The following TMEM50A variants were observed in gnomAD, a reference collection of about 807,000 sequenced individuals.
TMEM50A encodes the protein cervical cancer oncogene 9.
Under a neutral mutation model 23.9 loss-of-function variants are expected in TMEM50A, and 8 were observed. The observed-to-expected ratio is 0.33, with a 90% CI of 0.20 to 0.60. The LOEUF is 0.60. TMEM50A is among the 20% of genes least tolerant of loss of function. The pLI, the probability that TMEM50A is intolerant of heterozygous loss-of-function variation, is 0.81. For missense variants in TMEM50A, 178 were observed against 192.7 expected, an observed-to-expected ratio of 0.92 and a Z score of 0.45; for synonymous variants, 55 against 60.4, an observed-to-expected ratio of 0.91 and a Z score of 0.41.
intron 2 of TMEM50A, among the ~76,000 whole-genome samples, chr1:25,341,871 TTTTTTTTGTTTG>T (rs1429636087): frequency 8.5e-6 from 1 of 117,014 alleles, no homozygotes; most frequent in Non-Finnish European, 2.1e-5. Context: ...ATTTTTGTTT[TTTTTTTTGTTTG>T]TTTTTTTTGT....
intron 4 of TMEM50A, 134 bp from the exon 5 acceptor site, chr1:25,352,748 C>G (rs1171551031): frequency 2.8e-6 from 2 of 707,206 alleles, no homozygotes; most frequent in Non-Finnish European, 4.6e-6. Flanking sequence ...TTTAACACAT[C>G]CTTTACTGTT....
At chr1:25,351,815 A>T (rs573250515) in intron 4 of TMEM50A, 122 bp downstream of exon 4, 2 of 817,794 alleles carry the variant, frequency 2.4e-6, no homozygotes, top group East Asian at 2.8e-5. Flanking sequence ...TATTATTTTG[A>T]ATCTATTGTT....
At chr1:25,354,934 G>C (rs1375027838) in intron 5 of TMEM50A, among the ~76,000 whole-genome samples, 1 of 151,988 alleles carries the variant, frequency 6.6e-6, no homozygotes, top group African/African-American at 2.4e-5. Flanking sequence ...GCCATGTCCA[G>C]CTAATTTTTG....
intron 3 of TMEM50A, among the ~76,000 whole-genome samples, chr1:25,349,145 A>G (rs1452996469): frequency 6.6e-6 from 1 of 152,216 alleles, no homozygotes; most frequent in Non-Finnish European, 1.5e-5. Flanking sequence ...GTCCGCTAAG[A>G]GTGCCCAGAA....
At chr1:25,358,548 C>T (rs149795246) in intron 6 of TMEM50A, among the ~76,000 whole-genome samples, 10 of 152,342 alleles carry the variant, frequency 6.6e-5, no homozygotes, top group Non-Finnish European at 1.5e-4. Context: ...TTGGTATTCA[C>T]ACCTATTCTA....
Position 25,357,562 on chromosome 1 carries a change from T to TGG in TMEM50A, c.428+709_428+710insGG, listed in dbSNP as rs397778370. 5.3e-5 allele frequency among the ~76,000 whole-genome samples: 7 copies of TGG among 132,070 alleles called. No homozygotes were observed. The South Asian group carries it at 1.7e-3, about 31-fold the overall frequency. 86.6% of individuals were successfully genotyped at this position (132,070 alleles called of 152,430 possible). ...GTGTGTGTGTGTGTGTGTGTGTGTG[T>TGG]TGTGTGTGTGTGTGTTGTTTTGAGA... On this transcript the variant is annotated intron_variant, in intron 6 of 6. Coordinates refer to ENST00000374358, the MANE Select transcript of TMEM50A (RefSeq NM_014313.4).
chr1:25,360,704 G>A lies in TMEM50A; in HGVS notation c.473G>A (p.Ter158=). ...GGCCGCACTGAAGACTTATGGCAGT[G>A]AACACATCTGATTTCCCACAGCACA... The part of the protein sequence containing the change: ...KFGRTEDLWQ[*] The change falls in exon 7 of 7, where the codon TGA becomes TAA. Residue 158 remains the stop codon, a stop_retained_variant. Coordinates refer to ENST00000374358, the MANE Select transcript of TMEM50A (RefSeq NM_014313.4). 1 of 1,614,032 alleles carries A rather than the reference G, an allele frequency of 6.2e-7. No homozygotes were observed. Among genetic ancestry groups the A allele is most frequent in the South Asian group, 1.1e-5 (1 of 91,066 alleles).
rs1476346960 is a variant in TMEM50A at position 25,362,189 on chromosome 1, CAA to C, written c.*1485_*1486del. 6.3e-6 allele frequency: 3 copies of C among 474,100 alleles called. No individual in the cohort carries two copies. Among genetic ancestry groups the C allele is most frequent in the Non-Finnish European group, 7.6e-6 (2 of 263,438 alleles). 29.4% of individuals were successfully genotyped at this position (474,100 alleles called of 1,614,324 possible). On this transcript the variant is annotated 3_prime_UTR_variant, in exon 7 of 7. Coordinates refer to ENST00000374358, the MANE Select transcript of TMEM50A (RefSeq NM_014313.4). ...GTATTATCTGCTTTGCTGATGTAGA[CAA>C]GAGTTAACTGAGTAGCATGCTTTAT...
intron 3 of TMEM50A, among the ~76,000 whole-genome samples, chr1:25,346,250 T>G (rs1645215676): frequency 6.6e-6 from 1 of 152,154 alleles, no homozygotes; most frequent in Non-Finnish European, 1.5e-5. Context: ...GGGCCTTTCT[T>G]TTTTTTCTTT....
intron 3 of TMEM50A, among the ~76,000 whole-genome samples, chr1:25,349,377 T>C (rs1645254186): frequency 6.6e-6 from 1 of 152,250 alleles, no homozygotes; most frequent in Non-Finnish European, 1.5e-5. Context: ...CAGAGGGCTC[T>C]GAAGTTTATT....
chr1:25,340,477 C>G lies in TMEM50A; in HGVS notation c.-10C>G, dbSNP rs1377401129. On this transcript the variant is annotated 5_prime_UTR_variant, in exon 2 of 7. Transcript: ENST00000374358. ...TGTTTGTTTGTTTGTTTTTAAGTGA[C>G]CTGAAAAAAATGTCTGGATTTCTAG... 1 of 1,608,802 alleles carries G rather than the reference C, an allele frequency of 6.2e-7. No homozygotes were observed. The highest frequency in any genetic ancestry group is 1.1e-5 in the South Asian group (1 of 89,944).
intron 3 of TMEM50A, among the ~76,000 whole-genome samples, chr1:25,349,190 C>A (rs1645253170): frequency 6.6e-6 from 1 of 152,204 alleles, no homozygotes; most frequent in Non-Finnish European, 1.5e-5. Context: ...ACACCTATAG[C>A]CCCCAGTTAT....
intron 1 of TMEM50A, among the ~76,000 whole-genome samples, chr1:25,339,247 A>G (rs3093568): frequency 0.079 from 11,985 of 152,198 alleles, 1,501 homozygotes; most frequent in African/African-American, 0.27. Flanking sequence ...ACTCTGAAAT[A>G]GAGATAACAT....
Position 25,343,010 on chromosome 1 carries a change from C to A in TMEM50A, c.143C>A (p.Thr48Asn). Reference sequence around the variant, plus strand: ...ATAGATGCAGCTGTTATTTATCCCACCATGAAAGATTTCAACCACTCATAC... The same window carrying A: ...ATAGATGCAGCTGTTATTTATCCCAACATGAAAGATTTCAACCACTCATAC... ...IIIDAAVIYP[T>N]MKDFNHSYHA... The change falls in exon 3 of 7, where the codon ACC becomes AAC. Residue 48 changes from threonine (T) to asparagine (N), a missense_variant. By Grantham distance (65) the Thr-to-Asn change is moderately conservative (BLOSUM62 0). Coordinates refer to ENST00000374358, the MANE Select transcript of TMEM50A (RefSeq NM_014313.4). 1 of 1,613,730 alleles carries A rather than the reference C, an allele frequency of 6.2e-7. No homozygotes were observed. The highest frequency in any genetic ancestry group is 8.5e-7 in the Non-Finnish European group (1 of 1,179,854).
chr1:25,347,035 CAAAA>C (rs1007564261), intron 3 of TMEM50A, among the ~76,000 whole-genome samples: 8 of 151,966 alleles, frequency 5.3e-5, no homozygotes, highest in Non-Finnish European at 7.4e-5. Context: ...AACAAACAAA[CAAAA>C]AACGCATTTA....
chr1:25,360,663 G>A lies in TMEM50A; in HGVS notation c.432G>A (p.Gly144=). 1.2e-6 allele frequency: 2 copies of A among 1,614,006 alleles called. No homozygotes were observed. Among genetic ancestry groups the A allele is most frequent in the Non-Finnish European group, 1.7e-6 (2 of 1,179,964 alleles). ...ATATTTCTTGTTTTATTCACAGAGG[G>A]CTGGTTTTTAAGTTTGGCCGCACTG... The part of the protein sequence containing the change: ...FFQNAFIFFG[G]LVFKFGRTED... Residue 144 remains glycine (G), a synonymous_variant, in exon 7 of 7, where the codon GGG becomes GGA. Coordinates refer to ENST00000374358, the MANE Select transcript of TMEM50A (RefSeq NM_014313.4).
At chr1:25,347,657 C>T (rs1321671376) in intron 3 of TMEM50A, among the ~76,000 whole-genome samples, 1 of 152,180 alleles carries the variant, frequency 6.6e-6, no homozygotes, top group Admixed American at 6.5e-5. Flanking sequence ...AACACAGTAA[C>T]TTGTATTTTC....
chr1:25,356,869 AT>A lies in TMEM50A; in HGVS notation c.428+18del. On this transcript the variant is annotated intron_variant, in intron 6 of 6. Coordinates refer to ENST00000374358, the MANE Select transcript of TMEM50A (RefSeq NM_014313.4). ...TCTTTTTTGGGTAAGTTTGTTTTGC[AT>A]TCTTTATGTTTGTTTGTTTTTTTTT... 6.4e-7 allele frequency: 1 copy of A among 1,568,720 alleles called. No individual in the cohort carries two copies.
intron 3 of TMEM50A, among the ~76,000 whole-genome samples, chr1:25,349,733 G>A (rs1645257468): frequency 1.3e-5 from 2 of 152,254 alleles, no homozygotes; most frequent in South Asian, 2.1e-4. Context: ...GAGATTACTG[G>A]CACAAGCTAC....
Sources: gnomAD v4.1 joint callset for allele counts (sites outside exome capture counted in the v4.1 genomes callset) on GRCh38, gnomAD v4.1.1 for gene constraint, MANE v1.5 for transcripts, NCBI Gene and HGNC (gene_info 2026-07-23, HGNC 2026-07-21) for gene names.